TRPM7: variants seen among roughly 807,000 people sequenced by gnomAD.
The protein encoded by TRPM7 is transient receptor potential cation channel subfamily M member 7.
Under a neutral mutation model 229.7 loss-of-function variants are expected in TRPM7, and 134 were observed. That is an observed-to-expected ratio of 0.58 (90% CI 0.51 to 0.67). The LOEUF is 0.67. Ranked by LOEUF, TRPM7 falls within the 30% of genes least tolerant of loss-of-function variation. The pLI is 0.00. For missense variants in TRPM7, 1,901 were observed against 2,210.0 expected (o/e 0.86, Z 2.80); for synonymous variants, 699 against 715.2 (o/e 0.98, Z 0.36).
intron 1 of TRPM7, among the ~76,000 whole-genome samples, chr15:50,685,113 A>G (rs1190855370): frequency 6.6e-6 from 1 of 152,250 alleles, no homozygotes; most frequent in African/African-American, 2.4e-5. Context: ...AAGCTGTTGA[A>G]ACTGGCCAAT....
chr15:50,586,240 C>T (rs2059339574), intron 28 of TRPM7, 152 bp downstream of exon 28: 1 of 502,346 alleles, frequency 2.0e-6, no homozygotes, highest in Non-Finnish European at 3.5e-6. Context: ...AGGATTACGA[C>T]TTATTCAAGG....
At chr15:50,616,636 T>C (rs914307020) in intron 13 of TRPM7, among the ~76,000 whole-genome samples, 8 of 151,970 alleles carry the variant, frequency 5.3e-5, no homozygotes, top group Non-Finnish European at 1.0e-4. Flanking sequence ...AGTTAGACTG[T>C]GGCAATGGTT....
intron 12 of TRPM7, among the ~76,000 whole-genome samples, chr15:50,621,891 G>C (rs1026479582): frequency 4.6e-5 from 7 of 152,026 alleles, no homozygotes; most frequent in African/African-American, 4.8e-5. Flanking sequence ...TTAGCTGGGC[G>C]TGGTGGTGGG....
rs958821516 is a variant in TRPM7, at chr15:50,645,622, G to A, written c.322-2069C>T. ...TCTGGGATTACAGGCATAAGCCACC[G>A]TGCCCAGCCGGATTTGTTCTATAAT... On this transcript the variant is annotated intron_variant, in intron 4 of 38. Coordinates refer to ENST00000646667, the MANE Select transcript of TRPM7 (RefSeq NM_017672.6). Among the ~76,000 whole-genome samples the A allele has an allele frequency of 4.6e-5, 7 of 152,240 alleles. No homozygotes were observed. In the East Asian group the frequency reaches 9.7e-4, roughly 21 times the overall value.
At chr15:50,613,427 G>A (rs2060118900) in intron 15 of TRPM7, among the ~76,000 whole-genome samples, 1 of 150,564 alleles carries the variant, frequency 6.6e-6, no homozygotes, top group Non-Finnish European at 1.5e-5. Context: ...ACTCGAACCT[G>A]GGAGGTGGAG....
chr15:50,647,277 C>T (rs983799957), intron 4 of TRPM7, among the ~76,000 whole-genome samples: 13 of 152,208 alleles, frequency 8.5e-5, no homozygotes, highest in African/African-American at 3.1e-4. Context: ...ACTACAGGCT[C>T]GTGCCACCAC....
intron 1 of TRPM7, among the ~76,000 whole-genome samples, chr15:50,683,466 G>A (rs1485586062): frequency 3.3e-5 from 5 of 151,952 alleles, no homozygotes; most frequent in African/African-American, 1.2e-4. Flanking sequence ...CAGGGTCAGT[G>A]GCTCACGCCT....
intron 26 of TRPM7, 67 bp downstream of exon 26, chr15:50,591,844 A>G (rs1189723989): frequency 1.7e-6 from 2 of 1,146,650 alleles, no homozygotes; most frequent in Non-Finnish European, 2.5e-6. Context: ...AACAGTACAT[A>G]TTTCTATTAT....
At chr15:50,619,855 C>T in intron 12 of TRPM7, 57 bp from the exon 13 acceptor site, 4 of 1,445,332 alleles carry the variant, frequency 2.8e-6, no homozygotes, top group Non-Finnish European at 3.8e-6. Context: ...TAATTTAAAC[C>T]TTACAGGATT....
At chr15:50,661,259 G>A (rs944472381) in intron 2 of TRPM7, among the ~76,000 whole-genome samples, 9 of 152,104 alleles carry the variant, frequency 5.9e-5, no homozygotes, top group Admixed American at 5.2e-4. Context: ...ACAGGTGTCA[G>A]CCACCGCACC....
chr15:50,574,865 T>C lies in TRPM7; in HGVS notation c.5006A>G (p.His1669Arg), dbSNP rs1306531868. The change falls in exon 34 of 39, where the codon CAT becomes CGT. Residue 1669 changes from histidine to arginine, a missense_variant. Transcript: ENST00000646667. ...ACTGACACTTACTCTCAGACAGAGA[T>C]GCAGAACTGTATCTTCTTTGTAAAT... The part of the protein sequence containing the change: ...SSIYKEDTVL[H>R]LCLREIQQQR... 2.5e-6 allele frequency: 4 copies of C among 1,611,988 alleles called. No individual in the cohort carries two copies. The highest frequency in any genetic ancestry group is 1.7e-6 in the Non-Finnish European group (2 of 1,178,618).
chr15:50,608,566 A>G (rs987638430), intron 19 of TRPM7, among the ~76,000 whole-genome samples: 8 of 152,200 alleles, frequency 5.3e-5, no homozygotes, highest in Non-Finnish European at 1.2e-4. Flanking sequence ...ATCAGTGGAG[A>G]CAGAATTTGG....
chr15:50,564,623 G>A lies in TRPM7; in HGVS notation c.5468-2815C>T, dbSNP rs148537140. Reference sequence around the variant, plus strand: ...TATATAGGTATATGTGTGTCATGGCGTAAACCCTTATATTTTTATCTCCAT... The same window carrying A: ...TATATAGGTATATGTGTGTCATGGCATAAACCCTTATATTTTTATCTCCAT... On this transcript the variant is annotated intron_variant, in intron 38 of 38. Transcript: ENST00000646667. Among the ~76,000 whole-genome samples, 385 of 151,914 alleles carry A rather than the reference G, an allele frequency of 2.5e-3. 2 individuals are homozygous for A. Among genetic ancestry groups the A allele is most frequent in the African/African-American group, 8.7e-3 (361 of 41,444 alleles).
chr15:50,656,828 C>A (rs1271306512), intron 3 of TRPM7, among the ~76,000 whole-genome samples: 1 of 152,134 alleles, frequency 6.6e-6, no homozygotes, highest in African/African-American at 2.4e-5. Flanking sequence ...AATGTAGTTA[C>A]CATGCTCAAA....
Position 50,637,538 on chromosome 15 carries a change from T to C in TRPM7, c.716A>G (p.Asn239Ser). 1 of 1,614,126 alleles carries C rather than the reference T, an allele frequency of 6.2e-7. No homozygotes were observed. The highest frequency in any genetic ancestry group is 2.2e-5 in the East Asian group (1 of 44,864). The change falls in exon 7 of 39, where the codon AAT (asparagine) becomes AGT (serine). Residue 239 changes from asparagine to serine, a missense_variant. Transcript: ENST00000646667. ...LNPLSKLNVLNNLHSHFILVD... is the reference protein window; with the variant it reads ...LNPLSKLNVLSNLHSHFILVD... ...CAATATGAAATGGGAATGCAGATTA[T>C]TCAAAACATTCAATTTGCTCAGGGG...
intron 8 of TRPM7, among the ~76,000 whole-genome samples, chr15:50,633,446 C>CGAA (rs1432111358): frequency 6.6e-6 from 1 of 152,178 alleles, no homozygotes; most frequent in African/African-American, 2.4e-5. Context: ...TTCCCGCTCT[C>CGAA]TTTCATCTGC....
chr15:50,613,795 C>T lies in TRPM7; in HGVS notation c.1682G>A (p.Ser561Asn). ...TGCCCTATTGCCAAAAGATTCATGA[C>T]TCTTTCGCAACTGAGGAGTGCTGCT... is the stretch of plus-strand genomic sequence containing the variant. ...TSSSTPQLRKSHESFGNRADK... is the reference protein window; with the variant it reads ...TSSSTPQLRKNHESFGNRADK... Residue 561 changes from serine (S) to asparagine (N), a missense_variant, in exon 15 of 39, where the codon AGT becomes AAT. Transcript: ENST00000646667. The T allele has an allele frequency of 6.2e-7, 1 of 1,613,890 alleles. No individual in the cohort carries two copies. The highest frequency in any genetic ancestry group is 8.5e-7 in the Non-Finnish European group (1 of 1,179,934).
At chr15:50,573,538 G>A (rs956162243) in intron 36 of TRPM7, among the ~76,000 whole-genome samples, 1 of 152,110 alleles carries the variant, frequency 6.6e-6, no homozygotes, top group Admixed American at 6.6e-5. Context: ...CCAAATTTCT[G>A]AATGAAAGAA....
intron 13 of TRPM7, among the ~76,000 whole-genome samples, chr15:50,619,257 G>GTC (rs1206810331): frequency 7.0e-6 from 1 of 142,024 alleles, no homozygotes; most frequent in East Asian, 2.0e-4. Flanking sequence ...GTCTCACTCT[G>GTC]TCACCCAGGC....
Sources: gnomAD v4.1 joint callset for allele counts (sites outside exome capture counted in the v4.1 genomes callset) on GRCh38, gnomAD v4.1.1 for gene constraint, MANE v1.5 for transcripts, NCBI Gene and HGNC (gene_info 2026-07-23, HGNC 2026-07-21) for gene names.